Variants in AGBL1 observed in about 807,000 individuals in gnomAD.
AGBL1 encodes the protein AGBL carboxypeptidase 1, also known as cytosolic carboxypeptidase 4.
AGBL1 carries 130 observed loss-of-function variants against 118.9 expected under a neutral mutation model. The ratio of observed to expected loss-of-function variants is 1.09; its 90% CI spans 0.95 to 1.26. AGBL1 has a LOEUF of 1.26. Ranked by LOEUF, AGBL1 falls within the 50% of genes most tolerant of loss-of-function variation. The pLI, the probability that AGBL1 is intolerant of heterozygous loss-of-function variation, is 0.00. For synonymous variants in AGBL1, 555 were observed against 478.9 expected (o/e 1.16, Z -2.08); for missense variants, 1,584 against 1,298.1 (o/e 1.22, Z -3.38).
At chr15:86,673,802 A>G (rs1255904243) in intron 21 of AGBL1, among the ~76,000 whole-genome samples, 2 of 152,162 alleles carry the variant, frequency 1.3e-5, no homozygotes, top group Non-Finnish European at 2.9e-5. Context: ...TTAAAGTTTC[A>G]GTGTTCAGTA....
chr15:86,854,531 T>C (rs2079451109), intron 22 of AGBL1, among the ~76,000 whole-genome samples: 1 of 152,164 alleles, frequency 6.6e-6, no homozygotes, highest in East Asian at 1.9e-4. Flanking sequence ...ATGTCCCAAA[T>C]AAACAGTCAA....
chr15:86,691,250 T>C (rs1018284943), intron 22 of AGBL1, among the ~76,000 whole-genome samples: 1 of 152,174 alleles, frequency 6.6e-6, no homozygotes, highest in Non-Finnish European at 1.5e-5. Flanking sequence ...AGGCTAATTA[T>C]AAAATATTCT....
intron 23 of AGBL1, among the ~76,000 whole-genome samples, chr15:86,956,027 A>G (rs1169238116): frequency 6.6e-6 from 1 of 152,142 alleles, no homozygotes; most frequent in East Asian, 1.9e-4. Context: ...ATAGAGCTAT[A>G]CAGTTTATAC....
At chr15:86,084,988 TA>T (rs1216025066) in intron 1 of AGBL1, among the ~76,000 whole-genome samples, 2 of 152,192 alleles carry the variant, frequency 1.3e-5, no homozygotes, top group African/African-American at 4.8e-5. Flanking sequence ...AGAGAAAATT[TA>T]TAAGAAGTGG....
intron 18 of AGBL1, among the ~76,000 whole-genome samples, chr15:86,458,992 A>T (rs1347268673): frequency 6.6e-6 from 1 of 152,184 alleles, no homozygotes; most frequent in East Asian, 1.9e-4. Flanking sequence ...CTTTTGCCTT[A>T]AAAGCTTGGT....
intron 22 of AGBL1, among the ~76,000 whole-genome samples, chr15:86,896,363 C>T (rs1030347042): frequency 6.6e-6 from 1 of 151,478 alleles, no homozygotes; most frequent in African/African-American, 2.4e-5. Flanking sequence ...GTAGTCTTCA[C>T]CCCCTCTCAG....
At chr15:86,815,629 A>G (rs1315102903) in intron 22 of AGBL1, among the ~76,000 whole-genome samples, 6 of 152,160 alleles carry the variant, frequency 3.9e-5, no homozygotes, top group Non-Finnish European at 4.4e-5. Context: ...ACAAGCACCC[A>G]GGAGATAAGT....
intron 6 of AGBL1, 103 bp from the exon 7 acceptor site, chr15:86,247,568 T>A (rs770809274): frequency 8.3e-7 from 1 of 1,202,134 alleles, no homozygotes; most frequent in African/African-American, 1.5e-5. Flanking sequence ...TATTATTCCC[T>A]TGATGATTAA....
intron 18 of AGBL1, among the ~76,000 whole-genome samples, chr15:86,440,177 T>C (rs573257050): frequency 6.8e-4 from 104 of 152,240 alleles, no homozygotes; most frequent in Non-Finnish European, 1.2e-3. Context: ...AAAGAGCAAA[T>C]GATACTTTGA....
intron 22 of AGBL1, among the ~76,000 whole-genome samples, chr15:86,680,568 T>TC (rs1555437254): frequency 1.0e-4 from 14 of 137,390 alleles, no homozygotes; most frequent in African/African-American, 1.9e-4. Context: ...TTCTTTTCTT[T>TC]TTTTTTTTTT....
At chr15:86,118,526 G>T (rs1433447213) in intron 1 of AGBL1, among the ~76,000 whole-genome samples, 20 of 151,488 alleles carry the variant, frequency 1.3e-4, no homozygotes, top group Admixed American at 7.9e-4. Flanking sequence ...TTATTTGGTT[G>T]CTCTAGGAGC....
intron 18 of AGBL1, among the ~76,000 whole-genome samples, chr15:86,473,254 G>A (rs2082504578): frequency 6.6e-6 from 1 of 152,168 alleles, no homozygotes. Flanking sequence ...GGCTTTCCAG[G>A]GAAGGACTGA....
intron 22 of AGBL1, among the ~76,000 whole-genome samples, chr15:86,817,639 A>C (rs1355884967): frequency 4.8e-5 from 7 of 146,590 alleles, no homozygotes; most frequent in Non-Finnish European, 1.1e-4. Flanking sequence ...ACACACACAC[A>C]CACACACAGA....
chr15:86,248,251 A>C (rs1008577660), intron 7 of AGBL1, among the ~76,000 whole-genome samples: 1 of 152,202 alleles, frequency 6.6e-6, no homozygotes, highest in Non-Finnish European at 1.5e-5. Flanking sequence ...CAGGAGGCAG[A>C]TGTTGCAGTG....
rs144516578 is a variant in AGBL1, at chr15:86,770,063, G to C, written c.3158+95627G>C. On this transcript the variant is annotated intron_variant, in intron 22 of 22. Coordinates refer to ENST00000614907, the MANE Select transcript of AGBL1 (RefSeq NM_001386094.1). ...CTCTGCAATAGGATGAAAATATTCT[G>C]CCCAGGTTGTTCCTTTTCAATAGTC... 2.5e-3 allele frequency among the ~76,000 whole-genome samples: 378 copies of C among 152,032 alleles called. 7 individuals are homozygous for C. Among genetic ancestry groups the C allele is most frequent in the African/African-American group, 8.7e-3 (360 of 41,502 alleles).
chr15:86,296,350 C>A (rs1350527640), intron 17 of AGBL1: 1 of 152,216 alleles, frequency 6.6e-6, no homozygotes. Flanking sequence ...TACTGCCTTC[C>A]GTAATGAAGA....
intron 22 of AGBL1, among the ~76,000 whole-genome samples, chr15:86,745,758 A>G (rs1218283304): frequency 6.6e-6 from 1 of 152,078 alleles, no homozygotes; most frequent in Non-Finnish European, 1.5e-5. Flanking sequence ...ACTGGTAGCC[A>G]GTCATTATTT....
At chr15:86,859,272 A>G (rs181737300) in intron 22 of AGBL1, among the ~76,000 whole-genome samples, 182 of 152,318 alleles carry the variant, frequency 1.2e-3, no homozygotes, top group African/African-American at 4.3e-3. Context: ...TGGGCAAGGC[A>G]CTTCCCACAG....
chr15:86,945,425 T>C (rs895235703), intron 23 of AGBL1, among the ~76,000 whole-genome samples: 1 of 151,970 alleles, frequency 6.6e-6, no homozygotes, highest in South Asian at 2.1e-4. Context: ...TCCCAGCAGT[T>C]TGGGGAGCCG....
Sources: allele counts gnomAD v4.1 joint callset (sites outside exome capture counted in the v4.1 genomes callset), GRCh38; gene constraint gnomAD v4.1.1; transcripts MANE v1.5; gene names NCBI Gene and HGNC (gene_info 2026-07-23, HGNC 2026-07-21).